SEMA4F: variants seen among roughly 807,000 people sequenced by gnomAD.
The protein encoded by SEMA4F is ssemaphorin 4F.
A neutral mutation model predicts 78.4 loss-of-function variants in SEMA4F; 51 were observed. The observed-to-expected ratio is 0.65, with a 90% CI of 0.52 to 0.82. SEMA4F has a LOEUF of 0.82. Ranked by LOEUF, SEMA4F falls within the 40% of genes least tolerant of loss-of-function variation. The probability of loss-of-function intolerance (pLI) is 0.00; values close to 1 mark genes in which losing one functional copy is unlikely to be tolerated. For synonymous variants in SEMA4F, 418 were observed against 408.7 expected (o/e 1.02, Z -0.27); for missense variants, 938 against 1,014.4 (o/e 0.92, Z 1.02).
At chr2:74,688,306 T>C (rs183972568), downstream of SEMA4F, among the ~76,000 whole-genome samples, 158 of 152,324 alleles carry the variant, frequency 1.0e-3, no homozygotes, top group African/African-American at 3.3e-3. Context: ...TCACTCATTG[T>C]TCATTTCATA....
Position 74,674,501 on chromosome 2 carries a change from G to A in SEMA4F, c.826G>A (p.Asp276Asn). Residue 276 changes from aspartate to asparagine, a missense_variant, in exon 8 of 14, where the codon GAC becomes AAC. Physicochemically the swap from Asp to Asn is conservative, Grantham distance 23. Transcript: ENST00000357877. The part of the protein sequence containing the change: ...VPRVARVCAG[D>N]LGGRKTLQQR... Reference sequence around the variant, plus strand: ...TCCCATGTGTTTGTCACCCCAGGGGGACCTCGGGGGCCGGAAGACCCTCCA... The same window carrying A: ...TCCCATGTGTTTGTCACCCCAGGGGAACCTCGGGGGCCGGAAGACCCTCCA... 1 of 1,612,132 alleles carries A rather than the reference G, an allele frequency of 6.2e-7. No homozygotes were observed.
At chr2:74,707,449 G>C in the SEMA4F span, among the ~76,000 whole-genome samples, 1 of 151,584 alleles carries the variant, frequency 6.6e-6, no homozygotes, top group South Asian at 2.1e-4. Flanking sequence ...CTAGGTTAAA[G>C]GTATGTAAAT....
intron 5 of SEMA4F, among the ~76,000 whole-genome samples, chr2:74,672,986 C>G (rs553906899): frequency 6.6e-6 from 1 of 152,144 alleles, no homozygotes; most frequent in Non-Finnish European, 1.5e-5. Flanking sequence ...TCTCTAAAAT[C>G]GTGACTTGTT....
intron 7 of SEMA4F, 141 bp from the exon 8 acceptor site, chr2:74,674,357 C>G (rs1685148720): frequency 2.9e-6 from 2 of 698,144 alleles, no homozygotes; most frequent in Non-Finnish European, 4.8e-6. Flanking sequence ...CTGTGTGGCT[C>G]TCTGTCCTTG....
the SEMA4F span, among the ~76,000 whole-genome samples, chr2:74,702,246 C>T: frequency 3.0e-3 from 456 of 152,266 alleles, 1 homozygote; most frequent in Non-Finnish European, 5.1e-3. Context: ...GTTTACAGAA[C>T]ATCTGCTCTT....
Position 74,656,553 on chromosome 2 carries a change from C to A in SEMA4F, c.165C>A (p.Thr55=). 6.2e-7 allele frequency: 1 copy of A among 1,613,928 alleles called. No homozygotes were observed. The highest frequency in any genetic ancestry group is 8.5e-7 in the Non-Finnish European group (1 of 1,179,860). Residue 55 remains threonine, a synonymous_variant, in exon 2 of 14, where the codon ACC becomes ACA. Transcript: ENST00000357877. ...TGCCAGAGGCTGACTCCTGTCTCACCCGGTTCGCAGTCCCTCACACATACA... is the reference window on the plus strand; with the variant it reads ...TGCCAGAGGCTGACTCCTGTCTCACACGGTTCGCAGTCCCTCACACATACA... ...LPISEADSCL[T]RFAVPHTYNY...
rs191497438 is a variant in SEMA4F at position 74,658,140 on chromosome 2, C to T, written c.456+189C>T. On this transcript the variant is annotated intron_variant, in intron 4 of 13. Transcript: ENST00000357877. This position sits in a 1 kb window ranked among gnomAD's most constrained non-coding sequence, Gnocchi z 4.3. ...ATGGGATGAGGGTATGTGTAAGCCA[C>T]TGAGGGAGGGAAAGGGAGGTTGTCT... 1.2e-4 allele frequency among the ~76,000 whole-genome samples: 19 copies of T among 152,072 alleles called. No homozygotes were observed. Among genetic ancestry groups the T allele is most frequent in the Non-Finnish European group, 2.2e-4 (15 of 67,980 alleles).
intron 5 of SEMA4F, among the ~76,000 whole-genome samples, chr2:74,665,205 A>C (rs1259490270): frequency 2.0e-5 from 3 of 150,666 alleles, no homozygotes; most frequent in Non-Finnish European, 4.4e-5. Flanking sequence ...TTTAAAAGCT[A>C]TACAAATTAA....
rs1267700226 is a variant in SEMA4F, at chr2:74,656,615, C to T, written c.227C>T (p.Thr76Ile). Reference sequence around the variant, plus strand: ...CTCCTTGTGGATCCTGCCTCCCACACACTTTATGTTGGCGCCCGGGACACC... The same window carrying T: ...CTCCTTGTGGATCCTGCCTCCCACATACTTTATGTTGGCGCCCGGGACACC... Reference protein sequence around the residue: ...SVLLVDPASHTLYVGARDTIF... With the variant: ...SVLLVDPASHILYVGARDTIF... Residue 76 changes from threonine to isoleucine, a missense_variant, in exon 2 of 14, where the codon ACA (threonine) becomes ATA (isoleucine). Coordinates refer to ENST00000357877, the MANE Select transcript of SEMA4F (RefSeq NM_004263.5). 1 of 1,614,182 alleles carries T rather than the reference C, an allele frequency of 6.2e-7. No individual in the cohort carries two copies. Among genetic ancestry groups the T allele is most frequent in the Admixed American group, 1.7e-5 (1 of 60,034 alleles).
At chr2:74,688,280 A>G (rs1310799098), downstream of SEMA4F, among the ~76,000 whole-genome samples, 1 of 152,190 alleles carries the variant, frequency 6.6e-6, no homozygotes, top group Non-Finnish European at 1.5e-5. Context: ...CCTAGAGTGG[A>G]GTGGTGTTTC....
chr2:74,654,601 C>T, intron 1 of SEMA4F, 80 bp downstream of exon 1: 2 of 1,282,036 alleles, frequency 1.6e-6, no homozygotes, highest in South Asian at 1.6e-5. Context: ...GACCGCTCGG[C>T]CGGACCCGGG....
the SEMA4F span, among the ~76,000 whole-genome samples, chr2:74,701,161 C>T: frequency 6.6e-6 from 1 of 152,080 alleles, no homozygotes; most frequent in Non-Finnish European, 1.5e-5. Context: ...GCATGGAGGT[C>T]TCCATTGTTC....
intron 4 of SEMA4F, 35 bp from the exon 5 acceptor site, chr2:74,662,697 G>T: frequency 6.4e-7 from 1 of 1,550,830 alleles, no homozygotes; most frequent in South Asian, 1.1e-5. Flanking sequence ...CCTTCCCTAT[G>T]ACCCCTAAAC....
At chr2:74,691,221 T>C in the SEMA4F span, among the ~76,000 whole-genome samples, 1 of 152,260 alleles carries the variant, frequency 6.6e-6, no homozygotes, top group East Asian at 1.9e-4. Flanking sequence ...GTTGTAAATA[T>C]GTCAACCGTA....
Position 74,679,809 on chromosome 2 carries a change from T to C in SEMA4F, c.1913T>C (p.Val638Ala). ...TGTCAGGAGGGTGGGGCAGCCCATGTGGTAGCAGCTTACAGCTTGGTATGG... is the reference window on the plus strand; with the variant it reads ...TGTCAGGAGGGTGGGGCAGCCCATGCGGTAGCAGCTTACAGCTTGGTATGG... Reference protein sequence around the residue: ...CECQEGGAAHVVAAYSLVWGS... With the variant: ...CECQEGGAAHAVAAYSLVWGS... The change falls in exon 14 of 14, where the codon GTG becomes GCG. Residue 638 changes from valine to alanine, a missense_variant. Transcript: ENST00000357877. 1 of 1,614,152 alleles carries C rather than the reference T, an allele frequency of 6.2e-7. No individual in the cohort carries two copies.
chr2:74,687,202 G>A (rs942944156), downstream of SEMA4F, among the ~76,000 whole-genome samples: 2 of 152,118 alleles, frequency 1.3e-5, no homozygotes, highest in Non-Finnish European at 2.9e-5. Context: ...CAGCTTTCTA[G>A]ATACACCAAG....
chr2:74,667,280 T>G (rs1395518516), intron 5 of SEMA4F, among the ~76,000 whole-genome samples: 5 of 152,248 alleles, frequency 3.3e-5, no homozygotes, highest in Admixed American at 2.6e-4. Context: ...TTCTTTGCAT[T>G]AATCTACTTA....
rs748296656 is a variant in SEMA4F, at chr2:74,675,000, G to A, written c.1114G>A (p.Val372Met). 42 of 1,613,886 alleles carry A rather than the reference G, an allele frequency of 2.6e-5. No individual in the cohort carries two copies. The highest frequency in any genetic ancestry group is 1.6e-4 in the Middle Eastern group (1 of 6,084). ...TGACTGCAACAGAGGACTGCCTGTC[G>A]TGGACAATGATGTGCCCCAGCCCAG... ...KHDCNRGLPV[V>M]DNDVPQPRPG... The change falls in exon 9 of 14, where the codon GTG becomes ATG. Residue 372 changes from valine to methionine, a missense_variant. Coordinates refer to ENST00000357877, the MANE Select transcript of SEMA4F (RefSeq NM_004263.5).
At chr2:74,701,569 C>T in the SEMA4F span, among the ~76,000 whole-genome samples, 2 of 152,288 alleles carry the variant, frequency 1.3e-5, no homozygotes, top group East Asian at 3.9e-4. Flanking sequence ...GCTCTGAGCT[C>T]TCGCCATGCT....
Sources: gnomAD v4.1 joint callset for allele counts (sites outside exome capture counted in the v4.1 genomes callset) on GRCh38, gnomAD v4.1.1 for gene constraint, Gnocchi (gnomAD v3.1) non-coding constraint, MANE v1.5 for transcripts, NCBI Gene and HGNC (gene_info 2026-07-23, HGNC 2026-07-21) for gene names.